The following MBD2 variants were observed in gnomAD, a reference collection of about 807,000 sequenced individuals.
MBD2 encodes methyl-CpG binding domain protein 2.
In MBD2, 9 loss-of-function variants were observed where a neutral mutation model predicts 39.3. The observed-to-expected ratio is 0.23, with a 90% CI of 0.14 to 0.40. MBD2 has a LOEUF of 0.40. MBD2 is among the 10% of genes least tolerant of loss of function. MBD2 has a pLI of 1.00. For missense variants in MBD2, 458 were observed against 532.6 expected (o/e 0.86, Z 1.38); for synonymous variants, 233 against 211.1 (o/e 1.10, Z -0.90).
intron 2 of MBD2, among the ~76,000 whole-genome samples, chr18:54,197,172 C>T (rs1454765246): frequency 6.6e-6 from 1 of 152,234 alleles, no homozygotes; most frequent in African/African-American, 2.4e-5. Context: ...TCCAAGTCAT[C>T]ATCATCCCCA....
At chr18:54,211,075 T>G (rs1013440586) in intron 1 of MBD2, among the ~76,000 whole-genome samples, 9 of 150,978 alleles carry the variant, frequency 6.0e-5, no homozygotes, top group Non-Finnish European at 1.2e-4. Flanking sequence ...GTTTCACCGT[T>G]TTAGCCGGGA....
intron 3 of MBD2, among the ~76,000 whole-genome samples, chr18:54,171,509 GACA>G (rs2086179484): frequency 6.6e-6 from 1 of 152,004 alleles, no homozygotes; most frequent in Non-Finnish European, 1.5e-5. Context: ...CTTCCTTGCA[GACA>G]ACAAGAGGAA....
rs367793091 is a variant in MBD2, at chr18:54,168,625, G to A, written c.841-2459C>T. ...TATGTATGCATATTTGTGTGTGTGT[G>A]TGTGTGTGTGTGTGTGTGTGTGTGT... On this transcript the variant is annotated intron_variant, in intron 3 of 6. Transcript: ENST00000256429. Among the ~76,000 whole-genome samples, 91 of 44,048 alleles carry A rather than the reference G, an allele frequency of 2.1e-3. 1 individual carries two copies. The highest frequency in any genetic ancestry group is 0.018 in the African/African-American group (83 of 4,640). The allele number at this position is 44,048 out of a possible 152,430, so 28.9% of individuals were successfully genotyped here.
chr18:54,193,397 C>T (rs1188194806), intron 2 of MBD2, among the ~76,000 whole-genome samples: 1 of 152,102 alleles, frequency 6.6e-6, no homozygotes, highest in Non-Finnish European at 1.5e-5. Flanking sequence ...AAGTTTCCAA[C>T]CTTTGACAAA....
In MBD2 at chr18:54,224,498, G is replaced by GC. The variant is rs1208073138; in HGVS notation, c.61dup (p.Ala21GlyfsTer165). 8.1e-7 allele frequency: 1 copy of GC among 1,229,264 alleles called. No individual in the cohort carries two copies. Among genetic ancestry groups the GC allele is most frequent in the Non-Finnish European group, 1.0e-6 (1 of 987,372 alleles). The allele number at this position is 1,229,264 out of a possible 1,614,324, so 76.1% of individuals were successfully genotyped here. ...GTCGCCGCCAGCGCCGCTGCCGCCC[G>GC]CCGCACTCTCCCCCTCCTCCTGCTC... On this transcript the variant is annotated frameshift_variant, in exon 1 of 7. Coordinates refer to ENST00000256429, the MANE Select transcript of MBD2 (RefSeq NM_003927.5). LOFTEE classifies it high-confidence loss of function.
chr18:54,224,229 A>AGCCGCCGCCGTCGCCGCCAAG lies in MBD2; in HGVS notation c.310_330dup (p.Leu104_Gly110dup). On this transcript the variant is annotated inframe_insertion, in exon 1 of 7. Transcript: ENST00000256429. ...CCGCCACCGCTGCCGCCGCCGCCGC[A>AGCCGCCGCCGTCGCCGCCAAG]GCCGCCGCCGTCGCCGCCAAGGCCG... The AGCCGCCGCCGTCGCCGCCAAG allele has an allele frequency of 2.4e-6, 2 of 829,028 alleles. No individual in the cohort carries two copies. Among genetic ancestry groups the AGCCGCCGCCGTCGCCGCCAAG allele is most frequent in the African/African-American group, 3.8e-5 (2 of 52,148 alleles). The allele number at this position is 829,028 out of a possible 1,614,324, so 51.4% of individuals were successfully genotyped here. A position where few individuals can be genotyped will look rare whatever the true frequency, so the allele number is the denominator to read the frequency against.
intron 1 of MBD2, among the ~76,000 whole-genome samples, chr18:54,215,793 C>CA (rs1359964839): frequency 6.9e-6 from 1 of 144,588 alleles, no homozygotes; most frequent in Non-Finnish European, 1.5e-5. Flanking sequence ...CAAGCCCGGC[C>CA]TTTTTTTTTT....
rs2086041753 is a variant in MBD2, at chr18:54,154,836, A to G, written c.*488T>C. 6.5e-6 allele frequency: 1 copy of G among 152,682 alleles called. No homozygotes were observed. Among genetic ancestry groups the G allele is most frequent in the African/African-American group, 2.4e-5 (1 of 41,460 alleles). 9.5% of individuals were successfully genotyped at this position (152,682 alleles called of 1,614,324 possible). ...CTTTTCAACAGAAAGAATTCCAATCAGTCTGTGAATATAATCATTTATTTG... is the reference window on the plus strand; with the variant it reads ...CTTTTCAACAGAAAGAATTCCAATCGGTCTGTGAATATAATCATTTATTTG... On this transcript the variant is annotated 3_prime_UTR_variant, in exon 7 of 7. Coordinates refer to ENST00000256429, the MANE Select transcript of MBD2 (RefSeq NM_003927.5).
intron 3 of MBD2, among the ~76,000 whole-genome samples, chr18:54,188,507 T>C (rs2086298672): frequency 6.6e-6 from 1 of 152,162 alleles, no homozygotes; most frequent in Admixed American, 6.5e-5. Context: ...TTCCAAATAA[T>C]ACAAAATATT....
At chr18:54,165,494 T>C (rs1347782157) in intron 4 of MBD2, among the ~76,000 whole-genome samples, 3 of 152,228 alleles carry the variant, frequency 2.0e-5, no homozygotes, top group African/African-American at 7.2e-5. Context: ...GCCAAAGTTT[T>C]AATACTTGAA....
At chr18:54,201,842 G>A (rs1423441057) in intron 2 of MBD2, among the ~76,000 whole-genome samples, 33 of 143,160 alleles carry the variant, frequency 2.3e-4, no homozygotes, top group South Asian at 1.3e-3. Flanking sequence ...CAGCCTGGGC[G>A]ACAGAGCGAG....
chr18:54,214,828 G>C (rs1054026811), intron 1 of MBD2, among the ~76,000 whole-genome samples: 1 of 149,814 alleles, frequency 6.7e-6, no homozygotes, highest in Non-Finnish European at 1.5e-5. Flanking sequence ...CAAGCTCCAC[G>C]TCCCGGGTTC....
chr18:54,176,694 T>C (rs963593937), intron 3 of MBD2, among the ~76,000 whole-genome samples: 1 of 152,208 alleles, frequency 6.6e-6, no homozygotes, highest in Admixed American at 6.5e-5. Context: ...CTAGTTATGG[T>C]CAGCAAAAAC....
At chr18:54,190,314 T>C (rs1451887408) in intron 2 of MBD2, among the ~76,000 whole-genome samples, 1 of 152,060 alleles carries the variant, frequency 6.6e-6, no homozygotes, top group African/African-American at 2.4e-5. Flanking sequence ...TCTCCCCAGG[T>C]CTGTTTGGGT....
chr18:54,159,270 T>G (rs1421621504), intron 6 of MBD2, among the ~76,000 whole-genome samples: 1 of 152,068 alleles, frequency 6.6e-6, no homozygotes, highest in Non-Finnish European at 1.5e-5. Flanking sequence ...CCTCCCAGTA[T>G]GAGAACAAAA....
chr18:54,206,502 C>G (rs2086450874), intron 1 of MBD2, among the ~76,000 whole-genome samples: 1 of 152,118 alleles, frequency 6.6e-6, no homozygotes, highest in African/African-American at 2.4e-5. Flanking sequence ...AAAAATAACT[C>G]ATAGGAAGAT....
At chr18:54,166,318 A>G (rs1014290583) in intron 3 of MBD2, 152 bp from the exon 4 acceptor site, 2 of 614,436 alleles carry the variant, frequency 3.3e-6, no homozygotes, top group East Asian at 2.8e-5. Flanking sequence ...TATTCCAAAC[A>G]TGAATTATTT....
rs778818524 is a variant in MBD2 at position 54,224,545 on chromosome 18, C to A, written c.15G>T (p.Pro5=). The change falls in exon 1 of 7, where the codon CCG becomes CCT. Residue 5 remains proline (P), a synonymous_variant. Transcript: ENST00000256429. MRAH[P]GGGRCCPEQE... is the part of the protein sequence containing the mutation. ...GCTCCGGGCAGCAGCGGCCTCCCCC[C>A]GGGTGCGCGCGCATCCAGCCCCCTC... 3 of 1,229,522 alleles carry A rather than the reference C, an allele frequency of 2.4e-6. No homozygotes were observed. The highest frequency in any genetic ancestry group is 4.2e-5 in the Admixed American group (1 of 23,710). 76.2% of individuals were successfully genotyped at this position (1,229,522 alleles called of 1,614,324 possible).
intron 2 of MBD2, among the ~76,000 whole-genome samples, chr18:54,195,016 G>A (rs1172403205): frequency 6.6e-6 from 1 of 151,894 alleles, no homozygotes; most frequent in African/African-American, 2.4e-5. Context: ...TAAAATGGGA[G>A]GTTGACTATA....
Sources: allele counts gnomAD v4.1 joint callset (sites outside exome capture counted in the v4.1 genomes callset), GRCh38; gene constraint gnomAD v4.1.1; transcripts MANE v1.5; gene names NCBI Gene and HGNC (gene_info 2026-07-23, HGNC 2026-07-21).